Variants in HECW2 observed in about 807,000 individuals in gnomAD.
The protein encoded by HECW2 is HECT, C2 and WW domain containing E3 ubiquitin protein ligase 2.
HECW2 carries 61 observed loss-of-function variants against 175.2 expected under a neutral mutation model. That is an observed-to-expected ratio of 0.35 (90% CI 0.28 to 0.43). The LOEUF is 0.43. Among genes scored for constraint, HECW2 ranks in the 20% least tolerant of loss-of-function variants. The pLI is 1.00. For synonymous variants in HECW2, 671 were observed against 731.0 expected (o/e 0.92, Z 1.32); for missense variants, 1,524 against 2,000.5 (o/e 0.76, Z 4.54).
chr2:196,326,448 A>AT (rs11455303), intron 5 of HECW2, among the ~76,000 whole-genome samples: 51,115 of 145,508 alleles, frequency 0.35, 10,337 homozygotes, highest in African/African-American at 0.57. Context: ...ACTAAGAGCA[A>AT]TTTTTTTTTT....
intron 2 of HECW2, among the ~76,000 whole-genome samples, chr2:196,416,041 TTTCTCTTAATAGAGATAGCTTTTC>T (rs1320677593): frequency 1.3e-5 from 2 of 152,248 alleles, no homozygotes; most frequent in Non-Finnish European, 2.9e-5. Context: ...TCTTCGTATC[TTTCTCTTAATAGAGATAGCTTTTC>T]TTACTAGAGA....
chr2:196,227,800 T>A (rs1287735805), intron 22 of HECW2, among the ~76,000 whole-genome samples: 1 of 152,176 alleles, frequency 6.6e-6, no homozygotes, highest in African/African-American at 2.4e-5. Context: ...AATATAGGGA[T>A]CTCACCAGGA....
At chr2:196,442,099 T>C (rs1328621096) in intron 1 of HECW2, among the ~76,000 whole-genome samples, 1 of 152,140 alleles carries the variant, frequency 6.6e-6, no homozygotes, top group African/African-American at 2.4e-5. Flanking sequence ...GATGTTGGTT[T>C]AGCTTTAAAT....
intron 26 of HECW2, among the ~76,000 whole-genome samples, chr2:196,219,153 G>A (rs1687579089): frequency 1.3e-5 from 2 of 152,128 alleles, no homozygotes; most frequent in South Asian, 4.1e-4. Flanking sequence ...AGTGATGTTA[G>A]GTTTGTAGTT....
rs536794570 is a variant in HECW2, at chr2:196,240,191, G to A, written c.3764+258C>T. Reference sequence around the variant, plus strand: ...TTCCCTTTAAGAGAAAGAGAGGTCCGGAGAGAAGAAACTGAACTAGGCTTC... The same window carrying A: ...TTCCCTTTAAGAGAAAGAGAGGTCCAGAGAGAAGAAACTGAACTAGGCTTC... On this transcript the variant is annotated intron_variant, in intron 21 of 28. Transcript: ENST00000644978. The A allele has an allele frequency of 2.1e-5, 6 of 290,810 alleles. 1 individual carries two copies. The highest frequency in any genetic ancestry group is 9.6e-4 in the Middle Eastern group (1 of 1,038). 18.0% of individuals were successfully genotyped at this position (290,810 alleles called of 1,614,324 possible). A position where few individuals can be genotyped will look rare whatever the true frequency, so the allele number is the denominator to read the frequency against.
chr2:196,277,704 T>C (rs556522339), intron 15 of HECW2, among the ~76,000 whole-genome samples: 16 of 152,186 alleles, frequency 1.1e-4, no homozygotes, highest in African/African-American at 3.4e-4. Context: ...CTACTCACAA[T>C]AGCAAAGACT....
chr2:196,492,441 C>T (rs1483523446), intron 1 of HECW2, among the ~76,000 whole-genome samples: 1 of 152,198 alleles, frequency 6.6e-6, no homozygotes, highest in African/African-American at 2.4e-5. Flanking sequence ...ATGCCCAAAC[C>T]TGCAACAACT....
intron 23 of HECW2, among the ~76,000 whole-genome samples, 175 bp downstream of exon 23, chr2:196,225,597 C>T (rs774278536): frequency 6.6e-6 from 1 of 152,180 alleles, no homozygotes; most frequent in Non-Finnish European, 1.5e-5. Flanking sequence ...AGGAAAAACA[C>T]AGTAATCATA....
intron 21 of HECW2, among the ~76,000 whole-genome samples, chr2:196,233,352 T>C (rs1427185239): frequency 6.6e-6 from 1 of 152,174 alleles, no homozygotes; most frequent in East Asian, 1.9e-4. Context: ...CATGGCTGGG[T>C]TGGCACTCCA....
At chr2:196,348,036 C>A (rs1390272433) in intron 2 of HECW2, among the ~76,000 whole-genome samples, 2 of 152,226 alleles carry the variant, frequency 1.3e-5, no homozygotes, top group Non-Finnish European at 2.9e-5. Context: ...AGAGCTATGG[C>A]CAGCCTTGGC....
chr2:196,438,927 GGGA>G (rs1416076868), intron 1 of HECW2, among the ~76,000 whole-genome samples: 1 of 152,140 alleles, frequency 6.6e-6, no homozygotes, highest in Non-Finnish European at 1.5e-5. Flanking sequence ...TGTGTGTCAG[GGGA>G]GGAGATGAAG....
At chr2:196,485,364 A>G (rs945294637) in intron 1 of HECW2, among the ~76,000 whole-genome samples, 3 of 152,236 alleles carry the variant, frequency 2.0e-5, no homozygotes, top group African/African-American at 7.2e-5. Context: ...CTATAACAAA[A>G]TACCTAAGAC....
At chr2:196,207,610 T>C (rs1276406993) in intron 28 of HECW2, among the ~76,000 whole-genome samples, 1 of 152,190 alleles carries the variant, frequency 6.6e-6, no homozygotes, top group Admixed American at 6.5e-5. Context: ...AACTACTCAT[T>C]GGTCATGTTC....
intron 15 of HECW2, among the ~76,000 whole-genome samples, chr2:196,274,555 C>T (rs1291637140): frequency 1.3e-5 from 2 of 152,204 alleles, no homozygotes; most frequent in Non-Finnish European, 2.9e-5. Context: ...TTGGCTAAGG[C>T]AGGCCAGGGA....
intron 1 of HECW2, among the ~76,000 whole-genome samples, chr2:196,499,384 T>C (rs1192971918): frequency 6.6e-6 from 1 of 152,142 alleles, no homozygotes; most frequent in Non-Finnish European, 1.5e-5. Context: ...TCTGCCAGCA[T>C]TAAGCATTCT....
intron 1 of HECW2, among the ~76,000 whole-genome samples, chr2:196,506,220 T>C (rs1279098324): frequency 1.3e-5 from 2 of 152,162 alleles, no homozygotes; most frequent in South Asian, 2.1e-4. Context: ...TGGGTTCAGA[T>C]GGCTTTAAAG....
At position 196,455,972 on chromosome 2, in the gene HECW2, C is replaced by G. The variant is rs114242987; in HGVS notation, c.-35-22514G>C. The stretch of plus-strand genomic sequence containing the variant: ...CATTTTCATCTAGTATTCTTGACTT[C>G]TTGTGTTTTCGACCTAAAACAGCAT... On this transcript the variant is annotated intron_variant, in intron 1 of 28. Coordinates refer to ENST00000644978, the MANE Select transcript of HECW2 (RefSeq NM_001348768.2). 8.6e-3 allele frequency among the ~76,000 whole-genome samples: 1,301 copies of G among 151,958 alleles called. 19 individuals carry two copies. Among genetic ancestry groups the G allele is most frequent in the African/African-American group, 0.03 (1,230 of 41,454 alleles).
At chr2:196,251,715 C>T (rs1688860279) in intron 19 of HECW2, among the ~76,000 whole-genome samples, 1 of 152,104 alleles carries the variant, frequency 6.6e-6, no homozygotes. Context: ...GTTCCCTGGT[C>T]CCCATCTCCA....
intron 4 of HECW2, chr2:196,331,383 A>T (rs1215829228): frequency 1.6e-6 from 1 of 617,604 alleles, no homozygotes; most frequent in Non-Finnish European, 2.0e-6. Context: ...ACTACGCTGG[A>T]CTATGACTGA....
Sources: allele counts gnomAD v4.1 joint callset (sites outside exome capture counted in the v4.1 genomes callset), GRCh38; gene constraint gnomAD v4.1.1; transcripts MANE v1.5; gene names NCBI Gene and HGNC (gene_info 2026-07-23, HGNC 2026-07-21).